SLIT3: variants seen among roughly 807,000 people sequenced by gnomAD.
SLIT3 encodes slit homolog 3 protein.
In SLIT3, 68 loss-of-function variants were observed where a neutral mutation model predicts 184.0. The ratio of observed to expected loss-of-function variants is 0.37; its 90% confidence interval spans 0.30 to 0.45. The LOEUF (loss-of-function observed/expected upper bound fraction) is 0.45, where lower values mean the gene tolerates loss of function less well. Ranked by LOEUF, SLIT3 falls within the 20% of genes least tolerant of loss-of-function variation. The pLI is 1.00. For synonymous variants in SLIT3, 831 were observed against 828.6 expected (o/e 1.00, Z -0.05); for missense variants, 1,707 against 2,026.0 (o/e 0.84, Z 3.02).
chr5:169,210,429 C>T (rs12659883), intron 3 of SLIT3, among the ~76,000 whole-genome samples: 9,673 of 152,132 alleles, frequency 0.064, 476 homozygotes, highest in East Asian at 0.19. Flanking sequence ...GACTTAAAGT[C>T]AAATTAAAGA....
chr5:169,275,780 G>A (rs1766782020), intron 1 of SLIT3, among the ~76,000 whole-genome samples: 2 of 152,150 alleles, frequency 1.3e-5, no homozygotes, highest in Admixed American at 6.6e-5. Context: ...CACAACAGGT[G>A]GGAATTCTGG....
In SLIT3 at chr5:168,900,615, CAAACAAAACA is replaced by C. The variant is rs141764198; in HGVS notation, c.414-17289_414-17280del. On this transcript the variant is annotated intron_variant, in intron 4 of 35. Transcript: ENST00000519560. The stretch of plus-strand genomic sequence containing the variant: ...GGGAGATGGGAGTGAAACCCTGTCT[CAAACAAAACA>C]AAACAAAACAAAACAAAACAAAAAC... Among the ~76,000 whole-genome samples, 1,059 of 151,950 alleles carry C rather than the reference CAAACAAAACA, an allele frequency of 7.0e-3. 14 individuals carry two copies. The highest frequency in any genetic ancestry group is 0.024 in the African/African-American group (978 of 41,424).
At position 168,853,833 on chromosome 5, in the gene SLIT3, C is replaced by T. The variant is rs79795090; in HGVS notation, c.486-9178G>A. Among the ~76,000 whole-genome samples, 1,289 of 152,296 alleles carry T rather than the reference C, an allele frequency of 8.5e-3. 22 individuals carry two copies. The highest frequency in any genetic ancestry group is 0.029 in the African/African-American group (1,202 of 41,558). ...CCAAGTACTTTCATGTTTCCACGTT[C>T]ACTTATGCTTGTCCTTGCCCCCTAC... On this transcript the variant is annotated intron_variant, in intron 5 of 35. Coordinates refer to ENST00000519560, the MANE Select transcript of SLIT3 (RefSeq NM_003062.4).
chr5:168,853,674 C>T (rs914766711), intron 5 of SLIT3, among the ~76,000 whole-genome samples: 3 of 152,186 alleles, frequency 2.0e-5, no homozygotes, highest in Non-Finnish European at 2.9e-5. Flanking sequence ...TTGAGAGCTA[C>T]GTCTCTAAAC....
chr5:169,233,766 T>G (rs1765092123), intron 3 of SLIT3, among the ~76,000 whole-genome samples: 1 of 152,194 alleles, frequency 6.6e-6, no homozygotes, highest in Non-Finnish European at 1.5e-5. Context: ...TTTTCCTTGG[T>G]TCTGTGGTTT....
chr5:169,217,092 T>C (rs929583475), intron 3 of SLIT3, among the ~76,000 whole-genome samples: 2 of 151,546 alleles, frequency 1.3e-5, no homozygotes, highest in Non-Finnish European at 2.9e-5. Flanking sequence ...GCTTTCATTT[T>C]TCGGTGACAA....
At chr5:168,967,788 C>G (rs892400339) in intron 4 of SLIT3, among the ~76,000 whole-genome samples, 2 of 152,148 alleles carry the variant, frequency 1.3e-5, no homozygotes, top group African/African-American at 4.8e-5. Flanking sequence ...GCACCTGTCC[C>G]TCTACAATCA....
In SLIT3 at chr5:168,760,855, G is replaced by A. The variant is rs2113501296; in HGVS notation, c.1685+7C>T. 6.2e-7 allele frequency: 1 copy of A among 1,608,878 alleles called. No individual in the cohort carries two copies. The highest frequency in any genetic ancestry group is 8.5e-7 in the Non-Finnish European group (1 of 1,175,304). ...AGGCTGCTGCCAAGTTCCTGAAGTT[G>A]ACTTACATTTTCCGCAGGTTGGGCA... On this transcript the variant is annotated splice_region_variant and intron_variant, in intron 16 of 35. Coordinates refer to ENST00000519560, the MANE Select transcript of SLIT3 (RefSeq NM_003062.4).
intron 4 of SLIT3, among the ~76,000 whole-genome samples, chr5:168,909,113 C>T (rs1367681519): frequency 1.3e-5 from 2 of 152,230 alleles, no homozygotes; most frequent in Non-Finnish European, 2.9e-5. Flanking sequence ...CCTCCGGTCA[C>T]ACATCTATCA....
chr5:168,882,495 CCTATGCCTGCGCTCACACA>C (rs1395046644), intron 5 of SLIT3, among the ~76,000 whole-genome samples: 1 of 152,164 alleles, frequency 6.6e-6, no homozygotes, highest in Non-Finnish European at 1.5e-5. Flanking sequence ...CACAGAACTA[CCTATGCCTGCGCTCACACA>C]GGCGTATACA....
At chr5:168,953,972 C>A (rs965390823) in intron 4 of SLIT3, among the ~76,000 whole-genome samples, 3 of 151,408 alleles carry the variant, frequency 2.0e-5, no homozygotes, top group African/African-American at 7.3e-5. Flanking sequence ...TCATAATGGG[C>A]CCCCAAATAG....
At chr5:168,819,704 G>A (rs1757457761) in intron 7 of SLIT3, among the ~76,000 whole-genome samples, 1 of 152,162 alleles carries the variant, frequency 6.6e-6, no homozygotes, top group African/African-American at 2.4e-5. Context: ...ATTAATTTCT[G>A]GGATAATAAA....
At chr5:168,826,303 CG>C (rs944021786) in intron 6 of SLIT3, among the ~76,000 whole-genome samples, 6 of 152,142 alleles carry the variant, frequency 3.9e-5, no homozygotes, top group Non-Finnish European at 7.3e-5. Flanking sequence ...CTGGCCAGCC[CG>C]GGGATGTCAG....
At chr5:168,883,841 A>C (rs1194990590) in intron 4 of SLIT3, among the ~76,000 whole-genome samples, 2 of 151,982 alleles carry the variant, frequency 1.3e-5, no homozygotes, top group Admixed American at 1.3e-4. Context: ...GGGGATGACC[A>C]CTTCAGCTTA....
chr5:168,858,282 C>T (rs1019539235), intron 5 of SLIT3, among the ~76,000 whole-genome samples: 1 of 152,164 alleles, frequency 6.6e-6, no homozygotes, highest in Non-Finnish European at 1.5e-5. Context: ...AGAGAATGGG[C>T]CTTCTAGGAC....
chr5:169,072,026 C>T (rs189219891), intron 4 of SLIT3, among the ~76,000 whole-genome samples: 10 of 152,258 alleles, frequency 6.6e-5, no homozygotes, highest in African/African-American at 2.4e-4. Context: ...CTTTGATCCC[C>T]AAATAGCCAA....
At chr5:168,818,763 T>C (rs116212398) in intron 7 of SLIT3, among the ~76,000 whole-genome samples, 1,795 of 152,300 alleles carry the variant, frequency 0.012, 35 homozygotes, top group African/African-American at 0.041. Context: ...AAGGTCAACA[T>C]TGCCAAACAC....
intron 5 of SLIT3, among the ~76,000 whole-genome samples, chr5:168,847,509 C>T (rs1008487444): frequency 2.0e-5 from 3 of 152,152 alleles, no homozygotes; most frequent in Non-Finnish European, 2.9e-5. Context: ...TCCATGGCAC[C>T]GAGCATCAGC....
Position 168,722,957 on chromosome 5 carries a change from C to T in SLIT3, c.2387G>A (p.Ser796Asn). 6.2e-7 allele frequency: 1 copy of T among 1,613,926 alleles called. No individual in the cohort carries two copies. The highest frequency in any genetic ancestry group is 8.5e-7 in the Non-Finnish European group (1 of 1,179,808). ...SISMLTNYTF[S>N]NMSHLSTLIL... Reference sequence around the variant, plus strand: ...CAGAGTGGAGAGGTGAGACATGTTACTGAAGGTGTAATTGGTCAGCATGCT... The same window carrying T: ...CAGAGTGGAGAGGTGAGACATGTTATTGAAGGTGTAATTGGTCAGCATGCT... Residue 796 changes from serine (S) to asparagine (N), a missense_variant, in exon 22 of 36, where the codon AGT becomes AAT. This residue lies in a region of SLIT3 where 1,307 missense variants were observed against 1,511.6 expected (regional missense o/e 0.86). Coordinates refer to ENST00000519560, the MANE Select transcript of SLIT3 (RefSeq NM_003062.4).
Sources: gnomAD v4.1 joint callset for allele counts (sites outside exome capture counted in the v4.1 genomes callset) on GRCh38, gnomAD v4.1.1 for gene constraint, gnomAD v4.1.1 regional missense constraint, MANE v1.5 for transcripts, NCBI Gene and HGNC (gene_info 2026-07-23, HGNC 2026-07-21) for gene names.